GAN: variants seen among roughly 807,000 people sequenced by gnomAD.
GAN encodes gigaxonin, also known as epididymis secretory sperm binding protein.
Under a neutral mutation model 71.3 loss-of-function variants are expected in GAN, and 48 were observed. The ratio of observed to expected loss-of-function variants is 0.67; its 90% CI spans 0.53 to 0.86. The LOEUF (loss-of-function observed/expected upper bound fraction) is 0.86. Among genes scored for constraint, GAN ranks in the 40% least tolerant of loss-of-function variants. The pLI is 0.00. For synonymous variants in GAN, 386 were observed against 276.8 expected, an observed-to-expected ratio of 1.39 and a Z score of -3.92; for missense variants, 928 against 770.1, an observed-to-expected ratio of 1.21 and a Z score of -2.43.
chr16:81,342,118 C>G (rs952564192), intron 1 of GAN, among the ~76,000 whole-genome samples: 1 of 152,160 alleles, frequency 6.6e-6, no homozygotes, highest in African/African-American at 2.4e-5. Context: ...TACAGGAGCA[C>G]CCAGATTCAT....
chr16:81,371,114 TGTTA>T lies in GAN; in HGVS notation c.1502+5641_1502+5644del, dbSNP rs201350327. ...CAGTGAATTTTTTATTTCAAATTTATGTTAGTTATTTATTTATGTTAGTAATTCT... is the reference window on the plus strand; with the variant it reads ...CAGTGAATTTTTTATTTCAAATTTATGTTATTTATTTATGTTAGTAATTCT... On this transcript the variant is annotated intron_variant, in intron 9 of 10. Coordinates refer to ENST00000648994, the MANE Select transcript of GAN (RefSeq NM_022041.4). 9.9e-3 allele frequency among the ~76,000 whole-genome samples: 1,515 copies of T among 152,340 alleles called. 20 individuals carry two copies. The highest frequency in any genetic ancestry group is 0.033 in the African/African-American group (1,388 of 41,576).
In GAN at chr16:81,378,875, C is replaced by G. The variant is rs547143902; in HGVS notation, c.*1279C>G. 1 of 152,714 alleles carries G rather than the reference C, an allele frequency of 6.5e-6. No individual in the cohort carries two copies. The highest frequency in any genetic ancestry group is 1.9e-4 in the East Asian group (1 of 5,182). 9.5% of individuals were successfully genotyped at this position (152,714 alleles called of 1,614,324 possible). ...GGAAAAATGTCTTTCGTTCGTGGAA[C>G]GTATCTTGTAAGATATTTTGTTTTC... On this transcript the variant is annotated 3_prime_UTR_variant, in exon 11 of 11. Coordinates refer to ENST00000648994, the MANE Select transcript of GAN (RefSeq NM_022041.4).
intron 1 of GAN, among the ~76,000 whole-genome samples, chr16:81,334,779 C>T (rs1909700374): frequency 6.6e-6 from 1 of 152,168 alleles, no homozygotes; most frequent in African/African-American, 2.4e-5. Flanking sequence ...CCATTCTAAA[C>T]AGTGTGGTCG....
At chr16:81,357,683 C>A (rs969926032) in intron 4 of GAN, 127 bp from the exon 5 acceptor site, 1 of 895,192 alleles carries the variant, frequency 1.1e-6, no homozygotes, top group Non-Finnish European at 1.8e-6. Flanking sequence ...AATCGTCACA[C>A]TGACTTCCAC....
At chr16:81,365,910 C>T (rs928350851) in intron 9 of GAN, among the ~76,000 whole-genome samples, 2 of 152,114 alleles carry the variant, frequency 1.3e-5, no homozygotes, top group East Asian at 1.9e-4. Flanking sequence ...AACTCCTTAA[C>T]TTAGCATATA....
At chr16:81,367,432 G>C (rs1381463780) in intron 9 of GAN, among the ~76,000 whole-genome samples, 1 of 152,140 alleles carries the variant, frequency 6.6e-6, no homozygotes, top group Non-Finnish European at 1.5e-5. Flanking sequence ...AGAAGGCTGA[G>C]GCATGAGAAT....
intron 9 of GAN, chr16:81,371,856 T>C (rs1911046237): frequency 6.6e-6 from 1 of 152,238 alleles, no homozygotes; most frequent in African/African-American, 2.4e-5. Context: ...TTTCCATTTC[T>C]TTCCAGAATC....
In GAN at chr16:81,315,014, G is replaced by A; in HGVS notation, c.-100G>A. 2 of 1,034,990 alleles carry A rather than the reference G, an allele frequency of 1.9e-6. No individual in the cohort carries two copies. Among genetic ancestry groups the A allele is most frequent in the Admixed American group, 4.2e-5 (1 of 23,702 alleles). The allele number at this position is 1,034,990 out of a possible 1,614,324, so 64.1% of individuals were successfully genotyped here. Reference sequence around the variant, plus strand: ...CCAGCTTCTGCTCAGAGCGCGGAGAGCCGGGCCGGGCGGGCGCGCGCGCAG... The same window carrying A: ...CCAGCTTCTGCTCAGAGCGCGGAGAACCGGGCCGGGCGGGCGCGCGCGCAG... On this transcript the variant is annotated 5_prime_UTR_variant, in exon 1 of 11. Transcript: ENST00000648994.
chr16:81,340,095 A>G (rs1192575162), intron 1 of GAN, among the ~76,000 whole-genome samples: 2 of 152,070 alleles, frequency 1.3e-5, no homozygotes, highest in East Asian at 1.9e-4. Context: ...TGTATTCTTT[A>G]TATTTGTTCG....
rs1413558461 is a variant in GAN at position 81,314,976 on chromosome 16, C to T, written c.-138C>T. On this transcript the variant is annotated 5_prime_UTR_variant, in exon 1 of 11. It adds an upstream start codon to the 5' untranslated region. Coordinates refer to ENST00000648994, the MANE Select transcript of GAN (RefSeq NM_022041.4). The stretch of plus-strand genomic sequence containing the variant: ...CAGCGCGCCGCGGATAGCACAGGCA[C>T]GTCCCGGGGGCTCCAGCTTCTGCTC... 7 of 684,526 alleles carry T rather than the reference C, an allele frequency of 1.0e-5. No individual in the cohort carries two copies. The highest frequency in any genetic ancestry group is 3.3e-5 in the South Asian group (1 of 30,302). The allele number at this position is 684,526 out of a possible 1,614,324, so 42.4% of individuals were successfully genotyped here.
At chr16:81,356,081 C>G (rs1285824575) in intron 3 of GAN, among the ~76,000 whole-genome samples, 2 of 152,156 alleles carry the variant, frequency 1.3e-5, no homozygotes, top group Admixed American at 1.3e-4. Context: ...AAGGGAGATG[C>G]TTAAGGTTGG....
chr16:81,364,551 C>T (rs906487179), intron 7 of GAN, among the ~76,000 whole-genome samples: 1 of 152,156 alleles, frequency 6.6e-6, no homozygotes, highest in Non-Finnish European at 1.5e-5. Context: ...TAGCCGGGCA[C>T]AGTGCTGTGC....
In GAN at chr16:81,389,399, G is replaced by C. The variant is rs1159098175; in HGVS notation, c.*11803G>C. 1.3e-5 allele frequency: 2 copies of C among 152,170 alleles called. No homozygotes were observed. The highest frequency in any genetic ancestry group is 4.8e-5 in the African/African-American group (2 of 41,436). 9.4% of individuals were successfully genotyped at this position (152,170 alleles called of 1,614,324 possible). A position where few individuals can be genotyped will look rare whatever the true frequency, so the allele number is the denominator to read the frequency against. The stretch of plus-strand genomic sequence containing the variant: ...CGTAATCATTGTGGCCTCAGCAGAA[G>C]TTTTGAACAATCTTTGCAGCCACTG... On this transcript the variant is annotated 3_prime_UTR_variant, in exon 11 of 11. Transcript: ENST00000648994.
intron 1 of GAN, among the ~76,000 whole-genome samples, chr16:81,328,466 C>G (rs1368742052): frequency 1.3e-5 from 2 of 152,134 alleles, no homozygotes; most frequent in Non-Finnish European, 2.9e-5. Context: ...ATGATGACAC[C>G]ATAAACAAAT....
At chr16:81,317,019 C>A (rs1357170475) in intron 1 of GAN, among the ~76,000 whole-genome samples, 1 of 152,142 alleles carries the variant, frequency 6.6e-6, no homozygotes, top group African/African-American at 2.4e-5. Context: ...CCACCACGCC[C>A]GGATAATTTT....
intron 1 of GAN, among the ~76,000 whole-genome samples, chr16:81,341,352 G>C (rs1909935117): frequency 6.6e-6 from 1 of 152,130 alleles, no homozygotes; most frequent in South Asian, 2.1e-4. Flanking sequence ...CACCAAGGTT[G>C]AAATGAAGGA....
At chr16:81,338,804 T>C (rs1411375491) in intron 1 of GAN, among the ~76,000 whole-genome samples, 1 of 152,224 alleles carries the variant, frequency 6.6e-6, no homozygotes, top group African/African-American at 2.4e-5. Context: ...CGGATAGATT[T>C]GAGTGATGCT....
rs1212282770 is a variant in GAN, at chr16:81,387,250, GA to G, written c.*9660del. On this transcript the variant is annotated 3_prime_UTR_variant, in exon 11 of 11. Transcript: ENST00000648994. The stretch of plus-strand genomic sequence containing the variant: ...AAGCACGTTGCTATATGAAATTTCA[GA>G]AAAAAGTTTTGTTGCGGGGGGTGGG... The G allele has an allele frequency of 1.3e-5, 2 of 152,144 alleles. No homozygotes were observed. The highest frequency in any genetic ancestry group is 2.4e-5 in the African/African-American group (1 of 41,450). 9.4% of individuals were successfully genotyped at this position (152,144 alleles called of 1,614,324 possible). A position where few individuals can be genotyped will look rare whatever the true frequency, so the allele number is the denominator to read the frequency against.
chr16:81,359,490 T>G (rs1910601677), intron 5 of GAN, among the ~76,000 whole-genome samples: 1 of 151,904 alleles, frequency 6.6e-6, no homozygotes, highest in East Asian at 1.9e-4. Context: ...AGTTTGGGAC[T>G]TACATTCTTG....
Sources: allele counts gnomAD v4.1 joint callset (sites outside exome capture counted in the v4.1 genomes callset), GRCh38; gene constraint gnomAD v4.1.1; transcripts MANE v1.5; gene names NCBI Gene and HGNC (gene_info 2026-07-23, HGNC 2026-07-21).